CSMD1: variants seen among roughly 807,000 people sequenced by gnomAD.
CSMD1 encodes the protein CUB and sushi domain-containing protein 1.
CSMD1 carries 213 observed loss-of-function variants against 417.5 expected under a neutral mutation model. The observed-to-expected ratio is 0.51, with a 90% CI of 0.46 to 0.57. The LOEUF is 0.57. Ranked by LOEUF, CSMD1 falls within the 20% of genes least tolerant of loss-of-function variation. The pLI, the probability that CSMD1 is intolerant of heterozygous loss-of-function variation, is 0.00. For synonymous variants in CSMD1, 2,862 were observed against 1,736.8 expected (o/e 1.65, Z -16.11); for missense variants, 6,923 against 4,529.7 (o/e 1.53, Z -15.17).
At chr8:2,952,248 G>C (rs369132688) in intron 65 of CSMD1, among the ~76,000 whole-genome samples, 7 of 152,242 alleles carry the variant, frequency 4.6e-5, no homozygotes, top group East Asian at 3.9e-4. Context: ...TGCTTGAGTT[G>C]CTAGGTGGAA....
Position 3,760,787 on chromosome 8 carries a change from G to C in CSMD1, c.819-6745C>G, listed in dbSNP as rs768915042. On this transcript the variant is annotated intron_variant, in intron 5 of 69. Coordinates refer to ENST00000635120, the MANE Select transcript of CSMD1 (RefSeq NM_033225.6). ...AGAAATGTCTGGGGGTCCCTCTGCA[G>C]TTAAGTCTCTTTAACTATGATGACT... 3.9e-5 allele frequency among the ~76,000 whole-genome samples: 6 copies of C among 152,172 alleles called. No homozygotes were observed. The South Asian group carries it at 1.0e-3, about 26-fold the overall frequency.
At chr8:4,369,630 G>A (rs944086848) in intron 3 of CSMD1, among the ~76,000 whole-genome samples, 2 of 152,190 alleles carry the variant, frequency 1.3e-5, no homozygotes, top group Non-Finnish European at 2.9e-5. Flanking sequence ...CTCCCACGTT[G>A]AGTGACTTAA....
intron 5 of CSMD1, among the ~76,000 whole-genome samples, chr8:3,815,689 T>C (rs561323511): frequency 6.6e-6 from 1 of 152,054 alleles, no homozygotes; most frequent in African/African-American, 2.4e-5. Context: ...TTATCAATGA[T>C]GGTGACTTTT....
At chr8:3,899,026 T>G (rs1336613776) in intron 5 of CSMD1, among the ~76,000 whole-genome samples, 1 of 152,190 alleles carries the variant, frequency 6.6e-6, no homozygotes, top group African/African-American at 2.4e-5. Flanking sequence ...ACAAAGGTCG[T>G]ACGCGTCCAG....
intron 10 of CSMD1, among the ~76,000 whole-genome samples, chr8:3,498,980 G>T (rs528440785): frequency 1.3e-5 from 2 of 152,046 alleles, no homozygotes; most frequent in South Asian, 2.1e-4. Context: ...AATCATATAG[G>T]CATTTTGTAG....
At chr8:3,807,142 T>G (rs534722418) in intron 5 of CSMD1, among the ~76,000 whole-genome samples, 1 of 152,272 alleles carries the variant, frequency 6.6e-6, no homozygotes, top group African/African-American at 2.4e-5. Flanking sequence ...AAAGAAAAGT[T>G]TAACCTTGAT....
At chr8:4,247,345 C>G (rs1229044691) in intron 3 of CSMD1, among the ~76,000 whole-genome samples, 1 of 152,096 alleles carries the variant, frequency 6.6e-6, no homozygotes. Flanking sequence ...TAGAGTGCTG[C>G]TGGGTGTGGA....
At chr8:4,916,239 G>A (rs1306494561) in intron 1 of CSMD1, among the ~76,000 whole-genome samples, 2 of 152,070 alleles carry the variant, frequency 1.3e-5, no homozygotes, top group Non-Finnish European at 2.9e-5. Context: ...AAACTAAATA[G>A]AATTTCGGCA....
intron 5 of CSMD1, among the ~76,000 whole-genome samples, chr8:3,877,040 G>GT (rs1563168711): frequency 6.6e-6 from 1 of 152,276 alleles, no homozygotes; most frequent in Admixed American, 6.5e-5. Context: ...TTCGTATAGT[G>GT]TTTTTTTGCC....
intron 3 of CSMD1, among the ~76,000 whole-genome samples, chr8:4,090,020 G>A (rs962446211): frequency 7.9e-5 from 12 of 152,174 alleles, no homozygotes; most frequent in Non-Finnish European, 1.5e-4. Context: ...GTTTTGTAAA[G>A]GAATTATATT....
chr8:4,940,749 G>C (rs927193822), intron 1 of CSMD1, among the ~76,000 whole-genome samples: 2 of 152,178 alleles, frequency 1.3e-5, no homozygotes, highest in African/African-American at 4.8e-5. Flanking sequence ...AGCAGCACAG[G>C]TGGTAATGCT....
At chr8:3,400,686 T>C (rs1811984315) in intron 15 of CSMD1, among the ~76,000 whole-genome samples, 1 of 151,954 alleles carries the variant, frequency 6.6e-6, no homozygotes, top group Admixed American at 6.6e-5. Context: ...TAAAAAATTG[T>C]CCATCTGTTA....
At chr8:3,711,577 T>C (rs77906602) in intron 6 of CSMD1, among the ~76,000 whole-genome samples, 2 of 152,174 alleles carry the variant, frequency 1.3e-5, no homozygotes, top group African/African-American at 4.8e-5. Context: ...TGCCTCTTCA[T>C]GTGTGTGTTT....
chr8:4,567,864 C>G (rs1798689557), intron 2 of CSMD1, among the ~76,000 whole-genome samples: 1 of 152,156 alleles, frequency 6.6e-6, no homozygotes, highest in Non-Finnish European at 1.5e-5. Context: ...CATAAGCATG[C>G]TGAGTAAGAA....
At chr8:4,920,965 A>T (rs1302176282) in intron 1 of CSMD1, among the ~76,000 whole-genome samples, 1 of 8,326 alleles carries the variant, frequency 1.2e-4, no homozygotes, top group Non-Finnish European at 4.2e-4. Flanking sequence ...AAAGAAAGAA[A>T]GAAAGAAAGA....
intron 5 of CSMD1, among the ~76,000 whole-genome samples, chr8:3,777,435 A>G (rs1798952876): frequency 6.6e-6 from 1 of 152,160 alleles, no homozygotes; most frequent in Non-Finnish European, 1.5e-5. Context: ...GTCAGGCCTC[A>G]GGCAGGCTTC....
intron 5 of CSMD1, among the ~76,000 whole-genome samples, chr8:3,834,671 G>T (rs974392693): frequency 5.9e-5 from 9 of 152,042 alleles, no homozygotes; most frequent in African/African-American, 2.2e-4. Context: ...GTGGTTTAGG[G>T]ATCCACAGAA....
chr8:4,156,791 C>G (rs1796859305), intron 3 of CSMD1, among the ~76,000 whole-genome samples: 1 of 152,122 alleles, frequency 6.6e-6, no homozygotes, highest in South Asian at 2.1e-4. Flanking sequence ...GGGAAGGGCC[C>G]AAATTACAGA....
At chr8:4,885,009 T>C (rs1432348329) in intron 1 of CSMD1, among the ~76,000 whole-genome samples, 2 of 152,152 alleles carry the variant, frequency 1.3e-5, no homozygotes, top group African/African-American at 4.8e-5. Flanking sequence ...TTAGGTCTTC[T>C]TTAATTCTTT....
Sources: gnomAD v4.1 joint callset for allele counts (sites outside exome capture counted in the v4.1 genomes callset) on GRCh38, gnomAD v4.1.1 for gene constraint, MANE v1.5 for transcripts, NCBI Gene and HGNC (gene_info 2026-07-23, HGNC 2026-07-21) for gene names.